Variants in TMPRSS4 observed in about 807,000 individuals in gnomAD.
TMPRSS4 encodes the protein transmembrane protease serine 4.
TMPRSS4 carries 45 observed loss-of-function variants against 56.4 expected under a neutral mutation model. The observed-to-expected ratio is 0.80, with a 90% CI of 0.63 to 1.02. The LOEUF (loss-of-function observed/expected upper bound fraction) is 1.02, where lower values mean the gene tolerates loss of function less well. Ranked by LOEUF, TMPRSS4 falls within the 50% of genes least tolerant of loss-of-function variation. The pLI is 0.00. For synonymous variants in TMPRSS4, 205 were observed against 211.0 expected (o/e 0.97, Z 0.25); for missense variants, 546 against 556.7 (o/e 0.98, Z 0.19).
intron 9 of TMPRSS4, among the ~76,000 whole-genome samples, chr11:118,114,471 G>C (rs1379035402): frequency 6.6e-6 from 1 of 152,356 alleles, no homozygotes; most frequent in East Asian, 1.9e-4. Context: ...GTCTGGCCAA[G>C]GTAGGGTAGG....
At chr11:118,087,317 G>A (rs923500209) in intron 1 of TMPRSS4, among the ~76,000 whole-genome samples, 2 of 152,184 alleles carry the variant, frequency 1.3e-5, no homozygotes, top group Non-Finnish European at 2.9e-5. Flanking sequence ...AGGCCCCAGG[G>A]ACAGGATGCT....
chr11:118,122,556 G>T (rs1458465250), downstream of TMPRSS4, among the ~76,000 whole-genome samples: 1 of 152,188 alleles, frequency 6.6e-6, no homozygotes, highest in Non-Finnish European at 1.5e-5. Context: ...GTCACCACTG[G>T]AGTTGGCAAT....
At chr11:118,102,715 A>T (rs1348943717) in intron 3 of TMPRSS4, among the ~76,000 whole-genome samples, 1 of 152,178 alleles carries the variant, frequency 6.6e-6, no homozygotes, top group Non-Finnish European at 1.5e-5. Context: ...TCTCAAAAAA[A>T]AGAAAAAAGT....
rs1591345275 is a variant in TMPRSS4 at position 118,085,218 on chromosome 11, T to TTCG, written c.3+7915_3+7916insGTC. On this transcript the variant is annotated intron_variant, in intron 1 of 12. Coordinates refer to ENST00000437212, the MANE Select transcript of TMPRSS4 (RefSeq NM_019894.4). The stretch of plus-strand genomic sequence containing the variant: ...GTTCTACAGATGGAGGAGTCAGATC[T>TTCG]TCTTCTTCTTTTTTTTTTTTTTTGA... Among the ~76,000 whole-genome samples the TTCG allele has an allele frequency of 4.2e-5, 5 of 120,026 alleles. No individual in the cohort carries two copies. The East Asian group carries it at 1.0e-3, about 24-fold the overall frequency. The allele number at this position is 120,026 out of a possible 152,430, so 78.7% of individuals were successfully genotyped here. A position where few individuals can be genotyped will look rare whatever the true frequency, so the allele number is the denominator to read the frequency against.
Position 118,114,876 on chromosome 11 carries a change from C to T in TMPRSS4, c.958C>T (p.Pro320Ser). Reference protein sequence around the residue: ...CLPFFDEELTPATPLWIIGWG... With the variant: ...CLPFFDEELTSATPLWIIGWG... ...GCCCTTCTTTGATGAGGAGCTCACT[C>T]CAGCCACCCCACTCTGGATCATTGG... The change falls in exon 10 of 13, where the codon CCA (proline) becomes TCA (serine). Residue 320 changes from proline to serine, a missense_variant. By Grantham distance (74) the Pro-to-Ser change is moderately conservative. Coordinates refer to ENST00000437212, the MANE Select transcript of TMPRSS4 (RefSeq NM_019894.4). 1.9e-6 allele frequency: 3 copies of T among 1,609,052 alleles called. No homozygotes were observed. Among genetic ancestry groups the T allele is most frequent in the Admixed American group, 1.7e-5 (1 of 59,452 alleles).
chr11:118,114,687 G>C (rs1157569498), intron 9 of TMPRSS4, 142 bp from the exon 10 acceptor site: 4 of 897,492 alleles, frequency 4.5e-6, no homozygotes, highest in Middle Eastern at 3.4e-4. Context: ...CCAAAGCCAA[G>C]TTGTTTACTA....
chr11:118,078,509 G>A (rs972857926), intron 1 of TMPRSS4, among the ~76,000 whole-genome samples: 1 of 152,218 alleles, frequency 6.6e-6, no homozygotes, highest in African/African-American at 2.4e-5. Flanking sequence ...GAAAGGGGAA[G>A]GGGCTTCCCT....
intron 2 of TMPRSS4, among the ~76,000 whole-genome samples, chr11:118,096,384 A>G (rs1223730142): frequency 2.0e-5 from 3 of 152,256 alleles, no homozygotes; most frequent in African/African-American, 7.2e-5. Flanking sequence ...TTGGGCGCCA[A>G]TCTCTAGCAG....
Position 118,117,314 on chromosome 11 carries a change from G to A in TMPRSS4, c.1162G>A (p.Gly388Ser), listed in dbSNP as rs200732603. 5 of 1,614,116 alleles carry A rather than the reference G, an allele frequency of 3.1e-6. No homozygotes were observed. The highest frequency in any genetic ancestry group is 4.2e-6 in the Non-Finnish European group (5 of 1,180,026). The part of the protein sequence containing the change: ...GGVDTCQGDS[G>S]GPLMYQSDQW... ...TTCTGGTCTCTCACAGGGTGACAGT[G>A]GTGGGCCCCTGATGTACCAATCTGA... The change falls in exon 12 of 13, where the codon GGT becomes AGT. Residue 388 changes from glycine to serine, a missense_variant. Gly to Ser is a moderately conservative substitution (Grantham distance 56, BLOSUM62 0). Coordinates refer to ENST00000437212, the MANE Select transcript of TMPRSS4 (RefSeq NM_019894.4).
chr11:118,125,436 T>G (rs1280378979), downstream of TMPRSS4: 1 of 446,924 alleles, frequency 2.2e-6, no homozygotes, highest in Non-Finnish European at 4.5e-6. Context: ...ATTCCCTGCC[T>G]TACAGCCCCT....
chr11:118,099,016 C>CATGGGG lies in TMPRSS4; in HGVS notation c.79_80insGGATGG (p.Met26_Glu27insGlyMet), dbSNP rs749748617. On this transcript the variant is annotated inframe_insertion, in exon 3 of 13. Coordinates refer to ENST00000437212, the MANE Select transcript of TMPRSS4 (RefSeq NM_019894.4). The stretch of plus-strand genomic sequence containing the variant: ...AACCCCTGCGCAAACCCCGTATCCC[C>CATGGGG]ATGGAGACCTTCAGAAAGGTGGGGA... 2.5e-6 allele frequency: 4 copies of CATGGGG among 1,613,838 alleles called. No individual in the cohort carries two copies. The East Asian group carries it at 8.9e-5, about 36-fold the overall frequency.
At position 118,089,462 on chromosome 11, in the gene TMPRSS4, C is replaced by A. The variant is rs376653485; in HGVS notation, c.4-5354C>A. The stretch of plus-strand genomic sequence containing the variant: ...GGGAACTAGAATCCTTGCTTCATGA[C>A]TTTTTTCACTATTGGTCCATGCAGG... On this transcript the variant is annotated intron_variant, in intron 1 of 12. Transcript: ENST00000437212. 5.5e-4 allele frequency among the ~76,000 whole-genome samples: 84 copies of A among 152,238 alleles called. 1 individual carries two copies. Among genetic ancestry groups the A allele is most frequent in the African/African-American group, 1.9e-3 (80 of 41,522 alleles).
rs757722299 is a variant in TMPRSS4 at position 118,103,232 on chromosome 11, C to T, written c.289C>T (p.Pro97Ser). The change falls in exon 4 of 13, where the codon CCC (proline) becomes TCC (serine). Residue 97 changes from proline (P) to serine (S), a missense_variant. Coordinates refer to ENST00000437212, the MANE Select transcript of TMPRSS4 (RefSeq NM_019894.4). Reference protein sequence around the residue: ...EDEEHCVKSFPEGPAVAVRLS... With the variant: ...EDEEHCVKSFSEGPAVAVRLS... ...CGAGGAGCACTGTGTCAAGAGCTTC[C>T]CCGAAGGGCCTGCAGTGGCAGGTGA... The T allele has an allele frequency of 1.1e-5, 18 of 1,613,800 alleles. No individual in the cohort carries two copies. The highest frequency in any genetic ancestry group is 1.5e-5 in the Non-Finnish European group (18 of 1,179,978).
At chr11:118,111,691 T>A (rs1947284211) in intron 7 of TMPRSS4, 50 bp from the exon 8 acceptor site, 2 of 1,487,066 alleles carry the variant, frequency 1.3e-6, no homozygotes, top group African/African-American at 1.4e-5. Context: ...GGCAGCCTCA[T>A]CCCCAACAGC....
chr11:118,081,384 C>T (rs1280284810), intron 1 of TMPRSS4, among the ~76,000 whole-genome samples: 1 of 152,142 alleles, frequency 6.6e-6, no homozygotes, highest in East Asian at 1.9e-4. Context: ...ACGTCTAACG[C>T]CACCTCCCAG....
chr11:118,121,370 T>C lies in TMPRSS4; in HGVS notation c.*3457T>C, dbSNP rs1342117060. On this transcript the variant is annotated 3_prime_UTR_variant, in exon 13 of 13. Coordinates refer to ENST00000437212, the MANE Select transcript of TMPRSS4 (RefSeq NM_019894.4). ...CTTCTTCTTCTTCTTCTTCTTCTTCTTATTTTGAGACTGAGTCTTGCCCTG... is the reference window on the plus strand; with the variant it reads ...CTTCTTCTTCTTCTTCTTCTTCTTCCTATTTTGAGACTGAGTCTTGCCCTG... The C allele has an allele frequency of 3.3e-5, 5 of 151,784 alleles. No individual in the cohort carries two copies. The highest frequency in any genetic ancestry group is 7.4e-5 in the Non-Finnish European group (5 of 67,944). The allele number at this position is 151,784 out of a possible 1,614,324, so 9.4% of individuals were successfully genotyped here.
At chr11:118,082,702 A>G (rs543788026) in intron 1 of TMPRSS4, among the ~76,000 whole-genome samples, 19 of 152,282 alleles carry the variant, frequency 1.2e-4, no homozygotes, top group African/African-American at 3.6e-4. Flanking sequence ...TTTCATACCC[A>G]ATGCTGCTCA....
intron 3 of TMPRSS4, 123 bp downstream of exon 3, chr11:118,099,221 AG>A (rs1246953921): frequency 8.6e-6 from 6 of 701,680 alleles, no homozygotes; most frequent in African/African-American, 7.8e-5. Context: ...CCTCAGTAAG[AG>A]GCAGTCCCAC....
In TMPRSS4 at chr11:118,117,992, G is replaced by A; in HGVS notation, c.*79G>A. 6.2e-7 allele frequency: 1 copy of A among 1,610,252 alleles called. No individual in the cohort carries two copies. The highest frequency in any genetic ancestry group is 8.5e-7 in the Non-Finnish European group (1 of 1,179,638). The stretch of plus-strand genomic sequence containing the variant: ...TGGGGATCCCCCAAAGTCAGACACA[G>A]AGCAAGAGTCCCCTTGGGTACACCC... On this transcript the variant is annotated 3_prime_UTR_variant, in exon 13 of 13. Coordinates refer to ENST00000437212, the MANE Select transcript of TMPRSS4 (RefSeq NM_019894.4).
Sources: allele counts gnomAD v4.1 joint callset (sites outside exome capture counted in the v4.1 genomes callset), GRCh38; gene constraint gnomAD v4.1.1; transcripts MANE v1.5; gene names NCBI Gene and HGNC (gene_info 2026-07-23, HGNC 2026-07-21).